The following TEX9 variants were observed in gnomAD, a reference collection of about 807,000 sequenced individuals.
TEX9 encodes testis-expressed protein 9.
TEX9 carries 74 observed loss-of-function variants against 59.6 expected under a neutral mutation model. That is an observed-to-expected ratio of 1.24 (90% CI 1.03 to 1.51). The LOEUF (loss-of-function observed/expected upper bound fraction) is 1.51. Among genes scored for constraint, TEX9 ranks in the 40% most tolerant of loss-of-function variants. The pLI, the probability that TEX9 is intolerant of heterozygous loss-of-function variation, is 0.00. For synonymous variants in TEX9, 186 were observed against 152.2 expected (o/e 1.22, Z -1.64); for missense variants, 522 against 447.8 (o/e 1.17, Z -1.49).
At chr15:56,434,198 T>C in intron 12 of TEX9, 5 of 1,613,948 alleles carry the variant, frequency 3.1e-6, no homozygotes, top group Non-Finnish European at 4.2e-6. Context: ...CCCTCCTGTG[T>C]TCCAGCTGCT....
At chr15:56,258,942 A>T (rs1279257751) in intron 1 of TEX9, among the ~76,000 whole-genome samples, 1 of 149,700 alleles carries the variant, frequency 6.7e-6, no homozygotes, top group African/African-American at 2.5e-5. Context: ...GTATATATAA[A>T]ACATATATAA....
At chr15:56,275,495 A>G (rs1399534096) in intron 1 of TEX9, among the ~76,000 whole-genome samples, 1 of 152,132 alleles carries the variant, frequency 6.6e-6, no homozygotes, top group African/African-American at 2.4e-5. Flanking sequence ...CATGGCTCCA[A>G]AGGATTTTAT....
intron 1 of TEX9, among the ~76,000 whole-genome samples, chr15:56,291,920 T>C (rs1276069255): frequency 6.6e-6 from 1 of 152,244 alleles, no homozygotes. Flanking sequence ...GGCACATGAC[T>C]GTGGCATCCT....
At chr15:56,394,962 C>T in intron 9 of TEX9, 128 bp downstream of exon 9, 1 of 896,074 alleles carries the variant, frequency 1.1e-6, no homozygotes, top group Non-Finnish European at 1.6e-6. Flanking sequence ...ACTCTTTCCC[C>T]TTACATAGAA....
At chr15:56,389,263 C>T in intron 5 of TEX9, 55 bp from the exon 6 acceptor site, 4 of 1,423,550 alleles carry the variant, frequency 2.8e-6, no homozygotes, top group Non-Finnish European at 3.9e-6. Context: ...GAATTGCTTT[C>T]TTTGGCAAAT....
At chr15:56,384,066 A>G in intron 4 of TEX9, 35 bp downstream of exon 4, 1 of 1,521,338 alleles carries the variant, frequency 6.6e-7, no homozygotes, top group Non-Finnish European at 9.1e-7. Flanking sequence ...CCTTCTTTTA[A>G]AAGGATGTAC....
At chr15:56,365,402 C>G, upstream of TEX9, 1 of 1,592,920 alleles carries the variant, frequency 6.3e-7, no homozygotes, top group Non-Finnish European at 8.5e-7. Context: ...TGGAAACTCT[C>G]GCGGGAAGAT....
intron 10 of TEX9, among the ~76,000 whole-genome samples, chr15:56,414,255 A>T (rs1033701318): frequency 9.3e-5 from 14 of 150,986 alleles, no homozygotes; most frequent in Admixed American, 3.3e-4. Context: ...TTTTGTTTTA[A>T]TTTTTTTTAG....
At chr15:56,401,557 C>T (rs1314327867) in intron 9 of TEX9, among the ~76,000 whole-genome samples, 3 of 152,078 alleles carry the variant, frequency 2.0e-5, no homozygotes, top group African/African-American at 4.8e-5. Flanking sequence ...GACTTTTACA[C>T]CCCACTGTCA....
chr15:56,352,188 G>A (rs1195309164), intron 1 of TEX9, among the ~76,000 whole-genome samples: 2 of 152,208 alleles, frequency 1.3e-5, no homozygotes, highest in African/African-American at 4.8e-5. Flanking sequence ...CTAGACAGGA[G>A]TGGGTTGGAA....
chr15:56,345,704 G>A (rs527296931), intron 1 of TEX9, among the ~76,000 whole-genome samples: 20 of 152,298 alleles, frequency 1.3e-4, no homozygotes, highest in Admixed American at 9.2e-4. Flanking sequence ...CAAAGCAACC[G>A]CCAAGATAAG....
chr15:56,457,459 C>T, the TEX9 span, among the ~76,000 whole-genome samples: 1 of 152,186 alleles, frequency 6.6e-6, no homozygotes, highest in Non-Finnish European at 1.5e-5. Flanking sequence ...GAAACTATCA[C>T]TCATATATTG....
chr15:56,325,785 A>C (rs1406150176), intron 1 of TEX9, among the ~76,000 whole-genome samples: 1 of 152,196 alleles, frequency 6.6e-6, no homozygotes, highest in Non-Finnish European at 1.5e-5. Flanking sequence ...TGGTCTGACT[A>C]TAGCCAGTAT....
intron 12 of TEX9, chr15:56,434,415 G>A (rs756321268): frequency 1.3e-6 from 2 of 1,592,164 alleles, no homozygotes; most frequent in South Asian, 1.1e-5. Context: ...ACAGCTGAAA[G>A]TTAATTTAGT....
rs1390563976 is a variant in TEX9, at chr15:56,438,055, G to A, written c.*30-7616G>A. 1.1e-4 allele frequency among the ~76,000 whole-genome samples: 17 copies of A among 152,252 alleles called. No individual in the cohort carries two copies. In the East Asian group the frequency reaches 1.9e-3, roughly 17 times the overall value. On this transcript the variant is annotated intron_variant, in intron 12 of 12. Transcript: ENST00000352903. ...GCCATACTGCCCAAGGTAATTTACAGATTCAATGCCATCCACATCAAGCTA... is the reference window on the plus strand; with the variant it reads ...GCCATACTGCCCAAGGTAATTTACAAATTCAATGCCATCCACATCAAGCTA...
chr15:56,304,533 T>A (rs572627422), intron 1 of TEX9, among the ~76,000 whole-genome samples: 1 of 152,340 alleles, frequency 6.6e-6, no homozygotes, highest in East Asian at 1.9e-4. Flanking sequence ...GTTGATATGA[T>A]GTATCACATT....
At chr15:56,369,184 A>G (rs927707117) in intron 2 of TEX9, among the ~76,000 whole-genome samples, 3 of 151,722 alleles carry the variant, frequency 2.0e-5, no homozygotes, top group Admixed American at 6.6e-5. Flanking sequence ...ACTGTTGTCT[A>G]GTTTTTATTT....
At chr15:56,370,931 A>G (rs1446595185) in intron 2 of TEX9, among the ~76,000 whole-genome samples, 1 of 152,126 alleles carries the variant, frequency 6.6e-6, no homozygotes. Context: ...ATCTTGGCTC[A>G]CTGCAACCTC....
At chr15:56,351,679 A>G (rs2046583591) in intron 1 of TEX9, among the ~76,000 whole-genome samples, 1 of 152,218 alleles carries the variant, frequency 6.6e-6, no homozygotes, top group African/African-American at 2.4e-5. Flanking sequence ...AAATGTCATG[A>G]ATAATCAGAC....
Sources: allele counts gnomAD v4.1 joint callset (sites outside exome capture counted in the v4.1 genomes callset), GRCh38; gene constraint gnomAD v4.1.1; transcripts MANE v1.5; gene names NCBI Gene and HGNC (gene_info 2026-07-23, HGNC 2026-07-21).